Variants in SAMD12 observed in about 807,000 individuals in gnomAD.
SAMD12 encodes the protein sterile alpha motif domain containing 12.
In SAMD12, 9 loss-of-function variants were observed where a neutral mutation model predicts 15.0. The ratio of observed to expected loss-of-function variants is 0.60; its 90% CI spans 0.36 to 1.05. The LOEUF (loss-of-function observed/expected upper bound fraction) is 1.05, where lower values mean the gene tolerates loss of function less well. Among genes scored for constraint, SAMD12 ranks in the 50% least tolerant of loss-of-function variants. SAMD12 has a pLI of 0.01. For missense variants in SAMD12, 230 were observed against 234.2 expected, an observed-to-expected ratio of 0.98 and a Z score of 0.12; for synonymous variants, 86 against 90.1, an observed-to-expected ratio of 0.96 and a Z score of 0.25.
At chr8:118,467,080 A>C (rs1041040571) in intron 2 of SAMD12, among the ~76,000 whole-genome samples, 1 of 152,194 alleles carries the variant, frequency 6.6e-6, no homozygotes, top group Admixed American at 6.6e-5. Flanking sequence ...TGGGAACAGA[A>C]AATGACAGGA....
intron 1 of SAMD12, among the ~76,000 whole-genome samples, chr8:118,619,024 C>T (rs183801077): frequency 6.6e-6 from 1 of 152,116 alleles, no homozygotes; most frequent in East Asian, 1.9e-4. Context: ...GTAAACTGAT[C>T]ATTACTTGGC....
intron 3 of SAMD12, among the ~76,000 whole-genome samples, chr8:118,436,878 A>G (rs1359119169): frequency 1.3e-5 from 2 of 152,208 alleles, no homozygotes; most frequent in African/African-American, 4.8e-5. Context: ...CCACCTTCAT[A>G]GCAACACTAT....
intron 2 of SAMD12, among the ~76,000 whole-genome samples, chr8:118,485,507 T>A (rs1196000489): frequency 6.6e-6 from 1 of 152,240 alleles, no homozygotes; most frequent in African/African-American, 2.4e-5. Flanking sequence ...ATCTTTCCTC[T>A]TAATCCTTGT....
At position 118,536,880 on chromosome 8, in the gene SAMD12, C is replaced by T. The variant is rs181552620; in HGVS notation, c.192+43835G>A. ...TAACAGTGAGTTTTGTATCTTCAGA[C>T]GATTTCTTATTGCTCATTAATGTCC... On this transcript the variant is annotated intron_variant, in intron 2 of 3. Coordinates refer to ENST00000314727, the MANE Select transcript of SAMD12 (RefSeq NM_207506.3). 3.6e-3 allele frequency among the ~76,000 whole-genome samples: 544 copies of T among 152,272 alleles called. 4 individuals are homozygous for T. The highest frequency in any genetic ancestry group is 0.01 in the African/African-American group (425 of 41,564).
rs1053730903 is a variant in SAMD12, at chr8:118,379,261, G to A, written c.*156C>T. The A allele has an allele frequency of 9.1e-6, 13 of 1,433,012 alleles. No homozygotes were observed. In the East Asian group the frequency reaches 2.5e-4, roughly 27 times the overall value. The allele number at this position is 1,433,012 out of a possible 1,614,324, so 88.8% of individuals were successfully genotyped here. Reference sequence around the variant, plus strand: ...AGTGCAATCGTACCCTGATTGATGTGACTGGTATTCTCTGGGGTTGTGCAG... The same window carrying A: ...AGTGCAATCGTACCCTGATTGATGTAACTGGTATTCTCTGGGGTTGTGCAG... On this transcript the variant is annotated 3_prime_UTR_variant, in exon 4 of 4. Coordinates refer to ENST00000314727, the MANE Select transcript of SAMD12 (RefSeq NM_207506.3).
chr8:118,163,636 G>A, the SAMD12 span, among the ~76,000 whole-genome samples: 65 of 152,258 alleles, frequency 4.3e-4, no homozygotes, highest in Middle Eastern at 3.4e-3. Flanking sequence ...AGCACTTTGG[G>A]AGGCCGAGGC....
intron 4 of SAMD12, among the ~76,000 whole-genome samples, chr8:118,250,670 T>G (rs943489032): frequency 6.6e-6 from 1 of 151,896 alleles, no homozygotes; most frequent in African/African-American, 2.4e-5. Context: ...AATTTTTTAT[T>G]TATTTATTTT....
chr8:118,137,991 A>AAAT, the SAMD12 span, among the ~76,000 whole-genome samples: 1 of 151,808 alleles, frequency 6.6e-6, no homozygotes, highest in Non-Finnish European at 1.5e-5. Flanking sequence ...CATGGGACTA[A>AAAT]AATTAGAGAG....
intron 1 of SAMD12, among the ~76,000 whole-genome samples, chr8:118,602,116 T>G (rs1056478160): frequency 6.6e-6 from 1 of 152,130 alleles, no homozygotes; most frequent in African/African-American, 2.4e-5. Flanking sequence ...ACTTCAATAA[T>G]ACCTCCTAAC....
At chr8:118,133,825 TG>T in the SAMD12 span, among the ~76,000 whole-genome samples, 1 of 152,098 alleles carries the variant, frequency 6.6e-6, no homozygotes, top group Non-Finnish European at 1.5e-5. Flanking sequence ...ATTTATGGAA[TG>T]ATTGTCTGCC....
chr8:118,588,218 T>C lies in SAMD12; in HGVS notation c.14-7325A>G, dbSNP rs148936256. 1.2e-3 allele frequency among the ~76,000 whole-genome samples: 180 copies of C among 152,258 alleles called. 1 individual carries two copies. Among genetic ancestry groups the C allele is most frequent in the African/African-American group, 4.3e-3 (177 of 41,552 alleles). ...GGGGATGGGAATGTGTTCCTGTGTG[T>C]CTGGTCATTAATGTGTTGACATAAA... On this transcript the variant is annotated intron_variant, in intron 1 of 3. Transcript: ENST00000314727.
intron 2 of SAMD12, among the ~76,000 whole-genome samples, chr8:118,498,368 A>G (rs1473097049): frequency 6.6e-6 from 1 of 152,250 alleles, no homozygotes; most frequent in East Asian, 1.9e-4. Context: ...TAAGAAAGTT[A>G]ATATACACGA....
chr8:118,146,549 T>A, the SAMD12 span, among the ~76,000 whole-genome samples: 2 of 152,232 alleles, frequency 1.3e-5, no homozygotes, highest in Non-Finnish European at 2.9e-5. Context: ...AAAACACAGC[T>A]ATGTTGCCTA....
intron 4 of SAMD12, among the ~76,000 whole-genome samples, chr8:118,340,372 T>C (rs527899865): frequency 1.3e-5 from 2 of 152,202 alleles, no homozygotes; most frequent in African/African-American, 4.8e-5. Context: ...GTATTTCAAG[T>C]AGACATTTTA....
chr8:118,565,850 T>C (rs530151357), intron 2 of SAMD12, among the ~76,000 whole-genome samples: 1 of 152,330 alleles, frequency 6.6e-6, no homozygotes, highest in East Asian at 1.9e-4. Context: ...TTTGCCTCCA[T>C]AGGTTACACC....
intron 1 of SAMD12, among the ~76,000 whole-genome samples, chr8:118,586,454 C>G (rs1392774120): frequency 1.3e-5 from 2 of 151,468 alleles, no homozygotes; most frequent in Non-Finnish European, 2.9e-5. Context: ...GTGTTCCTTC[C>G]ACCTCAGCCA....
chr8:118,502,723 C>T (rs1824819578), intron 2 of SAMD12, among the ~76,000 whole-genome samples: 1 of 152,220 alleles, frequency 6.6e-6, no homozygotes, highest in African/African-American at 2.4e-5. Flanking sequence ...GAAACCACAC[C>T]TTGATCCTAA....
At chr8:118,439,309 G>A (rs1179644249) in intron 3 of SAMD12, among the ~76,000 whole-genome samples, 1 of 152,158 alleles carries the variant, frequency 6.6e-6, no homozygotes, top group Non-Finnish European at 1.5e-5. Context: ...GATACAAGAA[G>A]GTGGTCAACA....
At chr8:118,549,730 G>A (rs368051809) in intron 2 of SAMD12, among the ~76,000 whole-genome samples, 15 of 149,954 alleles carry the variant, frequency 1.0e-4, no homozygotes, top group Admixed American at 1.3e-4. Flanking sequence ...ATCAAACTAC[G>A]AGCTACAGGA....
Sources: allele counts gnomAD v4.1 joint callset (sites outside exome capture counted in the v4.1 genomes callset), GRCh38; gene constraint gnomAD v4.1.1; transcripts MANE v1.5; gene names NCBI Gene and HGNC (gene_info 2026-07-23, HGNC 2026-07-21).